Variants in FAM107B observed in about 807,000 individuals in gnomAD.
FAM107B encodes the protein protein FAM107B.
Under a neutral mutation model 31.5 loss-of-function variants are expected in FAM107B, and 21 were observed. The ratio of observed to expected loss-of-function variants is 0.67; its 90% CI spans 0.47 to 0.96. The LOEUF (loss-of-function observed/expected upper bound fraction) is 0.96, where lower values mean the gene tolerates loss of function less well. Among genes scored for constraint, FAM107B ranks in the 40% least tolerant of loss-of-function variants. The pLI, the probability that FAM107B is intolerant of heterozygous loss-of-function variation, is 0.00. For synonymous variants in FAM107B, 157 were observed against 141.5 expected, an observed-to-expected ratio of 1.11 and a Z score of -0.78; for missense variants, 452 against 377.1, an observed-to-expected ratio of 1.20 and a Z score of -1.64.
intron 1 of FAM107B, among the ~76,000 whole-genome samples, chr10:14,731,376 A>G (rs1564277878): frequency 6.6e-6 from 1 of 152,148 alleles, no homozygotes; most frequent in Non-Finnish European, 1.5e-5. Context: ...AGCCTGACCA[A>G]CATGGTGAAA....
intron 1 of FAM107B, among the ~76,000 whole-genome samples, chr10:14,748,187 A>G (rs1236330955): frequency 6.6e-6 from 1 of 152,178 alleles, no homozygotes; most frequent in Non-Finnish European, 1.5e-5. Context: ...CATTTCTTCT[A>G]TCTCTATATT....
At chr10:14,714,840 T>C (rs963881155) in intron 1 of FAM107B, among the ~76,000 whole-genome samples, 7 of 152,208 alleles carry the variant, frequency 4.6e-5, no homozygotes, top group Admixed American at 3.9e-4. Flanking sequence ...TATTTTTTGG[T>C]TCATCTGAGT....
chr10:14,576,077 G>T (rs1481582992), intron 2 of FAM107B, among the ~76,000 whole-genome samples: 1 of 152,230 alleles, frequency 6.6e-6, no homozygotes, highest in Non-Finnish European at 1.5e-5. Context: ...GCTTCCCAGG[G>T]GCTGGGAGAA....
intron 1 of FAM107B, among the ~76,000 whole-genome samples, chr10:14,744,357 T>C (rs201881702): frequency 6.6e-6 from 1 of 152,212 alleles, no homozygotes; most frequent in South Asian, 2.1e-4. Context: ...CTTGCCTGAT[T>C]GCCCTGACCA....
intron 1 of FAM107B, among the ~76,000 whole-genome samples, chr10:14,741,679 T>C (rs1299375206): frequency 1.3e-5 from 2 of 151,922 alleles, no homozygotes; most frequent in African/African-American, 4.8e-5. Flanking sequence ...AAAATGGTGT[T>C]ATTCTTCCTC....
At chr10:14,546,114 G>A (rs1848669602) in intron 2 of FAM107B, among the ~76,000 whole-genome samples, 2 of 152,198 alleles carry the variant, frequency 1.3e-5, no homozygotes, top group African/African-American at 4.8e-5. Context: ...CAGACTTAAT[G>A]ACAGAAACTT....
intron 2 of FAM107B, among the ~76,000 whole-genome samples, chr10:14,560,007 C>T (rs1169117170): frequency 6.6e-6 from 1 of 152,128 alleles, no homozygotes; most frequent in Non-Finnish European, 1.5e-5. Context: ...AATTAACAAA[C>T]GCACAACCCT....
At chr10:14,585,889 T>C (rs1234121436) in intron 2 of FAM107B, among the ~76,000 whole-genome samples, 1 of 152,170 alleles carries the variant, frequency 6.6e-6, no homozygotes, top group Non-Finnish European at 1.5e-5. Context: ...AGGAAGCCTC[T>C]GTTACTAATT....
intron 2 of FAM107B, among the ~76,000 whole-genome samples, chr10:14,549,484 T>C (rs893498045): frequency 6.6e-6 from 1 of 152,230 alleles, no homozygotes; most frequent in Non-Finnish European, 1.5e-5. Context: ...TAAGGGGGCT[T>C]TGGCAAAAGT....
chr10:14,662,858 G>A (rs529737561), intron 2 of FAM107B, among the ~76,000 whole-genome samples: 4 of 152,306 alleles, frequency 2.6e-5, no homozygotes, highest in Non-Finnish European at 4.4e-5. Flanking sequence ...TATTGTTTCT[G>A]GGTGTGTTGG....
intron 2 of FAM107B, among the ~76,000 whole-genome samples, chr10:14,648,363 G>A (rs1464083894): frequency 6.6e-6 from 1 of 152,224 alleles, no homozygotes; most frequent in African/African-American, 2.4e-5. Flanking sequence ...AAAGCCCGGA[G>A]AAGTACTGAG....
chr10:14,680,571 C>T (rs1231303297), intron 1 of FAM107B, among the ~76,000 whole-genome samples: 1 of 65,928 alleles, frequency 1.5e-5, no homozygotes, highest in Non-Finnish European at 3.0e-5. Flanking sequence ...GAGACTCTGT[C>T]TCAAAAAAAA....
At chr10:14,647,188 A>G (rs567837918) in intron 2 of FAM107B, among the ~76,000 whole-genome samples, 1 of 152,202 alleles carries the variant, frequency 6.6e-6, no homozygotes, top group South Asian at 2.1e-4. Flanking sequence ...CTCAATTATA[A>G]TTACAAATAT....
At chr10:14,639,591 T>C (rs183065984) in intron 2 of FAM107B, among the ~76,000 whole-genome samples, 8 of 152,316 alleles carry the variant, frequency 5.3e-5, no homozygotes, top group Admixed American at 5.2e-4. Context: ...ACCCTGGATT[T>C]AAGTTCAATG....
chr10:14,588,563 C>T (rs1436279914), intron 2 of FAM107B, among the ~76,000 whole-genome samples: 1 of 152,196 alleles, frequency 6.6e-6, no homozygotes, highest in Admixed American at 6.5e-5. Context: ...GAGGCACCCA[C>T]ATCTGGCTCT....
chr10:14,651,855 A>G (rs919893856), intron 2 of FAM107B, among the ~76,000 whole-genome samples: 6 of 152,190 alleles, frequency 3.9e-5, no homozygotes, highest in Non-Finnish European at 1.5e-5. Flanking sequence ...GTTTGGGTGT[A>G]AGAGAATAAT....
intron 2 of FAM107B, among the ~76,000 whole-genome samples, chr10:14,586,643 A>G (rs1851852019): frequency 6.6e-6 from 1 of 152,170 alleles, no homozygotes. Context: ...CTCACCAGAC[A>G]CCAAATCTGC....
chr10:14,562,256 T>C (rs1850307164), intron 2 of FAM107B, among the ~76,000 whole-genome samples: 1 of 152,372 alleles, frequency 6.6e-6, no homozygotes, highest in East Asian at 1.9e-4. Context: ...AAAACAATAT[T>C]AGAATATGCA....
intron 2 of FAM107B, among the ~76,000 whole-genome samples, chr10:14,549,088 G>T (rs182181420): frequency 6.6e-6 from 1 of 152,150 alleles, no homozygotes; most frequent in African/African-American, 2.4e-5. Context: ...ATGAGAAGAC[G>T]GCTGTCTGCA....
Sources: allele counts gnomAD v4.1 joint callset (sites outside exome capture counted in the v4.1 genomes callset), GRCh38; gene constraint gnomAD v4.1.1; transcripts MANE v1.5; gene names NCBI Gene and HGNC (gene_info 2026-07-23, HGNC 2026-07-21).